The following GAS2L3 variants were observed in gnomAD, a reference collection of about 807,000 sequenced individuals.
GAS2L3 encodes growth arrest specific 2 like 3, also known as GAS2-like protein 3.
A neutral mutation model predicts 37.0 loss-of-function variants in GAS2L3; 28 were observed. The observed-to-expected ratio is 0.76, with a 90% confidence interval of 0.56 to 1.04. The LOEUF (loss-of-function observed/expected upper bound fraction) is 1.04, where lower values mean the gene tolerates loss of function less well. Among genes scored for constraint, GAS2L3 ranks in the 50% least tolerant of loss-of-function variants. GAS2L3 has a pLI of 0.00. For synonymous variants in GAS2L3, 290 were observed against 296.6 expected (o/e 0.98, Z 0.23); for missense variants, 793 against 817.6 (o/e 0.97, Z 0.37).
At chr12:100,583,043 C>T (rs1394835596) in intron 1 of GAS2L3, among the ~76,000 whole-genome samples, 1 of 152,128 alleles carries the variant, frequency 6.6e-6, no homozygotes, top group Non-Finnish European at 1.5e-5. Context: ...TTTTTCTTTA[C>T]CCCCAAGAGA....
At chr12:100,579,044 T>A in intron 1 of GAS2L3, 1 of 760,754 alleles carries the variant, frequency 1.3e-6, no homozygotes, top group Non-Finnish European at 2.4e-6. Flanking sequence ...GTATAACCAG[T>A]CTATGGCCAT....
intron 2 of GAS2L3, among the ~76,000 whole-genome samples, chr12:100,592,625 C>G (rs1273531134): frequency 6.6e-6 from 1 of 152,052 alleles, no homozygotes; most frequent in African/African-American, 2.4e-5. Flanking sequence ...AAATTCTGGT[C>G]AAATTTCAGG....
chr12:100,579,125 C>A, intron 1 of GAS2L3: 1 of 707,308 alleles, frequency 1.4e-6, no homozygotes. Context: ...AATCCATTCA[C>A]ATAGTTCATT....
chr12:100,606,904 T>G (rs1271149041), intron 5 of GAS2L3, among the ~76,000 whole-genome samples: 3 of 152,168 alleles, frequency 2.0e-5, no homozygotes, highest in African/African-American at 7.2e-5. Context: ...ATATAATATT[T>G]TACATACCAT....
At chr12:100,593,769 G>A (rs1355673750) in intron 2 of GAS2L3, 1 of 152,064 alleles carries the variant, frequency 6.6e-6, no homozygotes, top group Non-Finnish European at 1.5e-5. Context: ...ATTAGCTCGT[G>A]GGAAGCATAA....
At chr12:100,591,245 T>A (rs893734142) in intron 1 of GAS2L3, among the ~76,000 whole-genome samples, 3 of 152,026 alleles carry the variant, frequency 2.0e-5, no homozygotes, top group African/African-American at 7.2e-5. Flanking sequence ...AGGAGGTGAA[T>A]AAATAAATAA....
rs201675962 is a variant in GAS2L3, at chr12:100,574,980, A to AT, written c.-152+1208dup. Among the ~76,000 whole-genome samples, 898 of 146,602 alleles carry AT rather than the reference A, an allele frequency of 6.1e-3. 3 individuals carry two copies. The highest frequency in any genetic ancestry group is 0.012 in the East Asian group (60 of 5,044). On this transcript the variant is annotated intron_variant, in intron 1 of 9. Transcript: ENST00000547754. The stretch of plus-strand genomic sequence containing the variant: ...ATCTGACATTGAATTAGAAGTAGTA[A>AT]TTTTTTTTTTTTTAGCGTGACAGAG...
At chr12:100,618,941 A>C (rs1344995293) in intron 8 of GAS2L3, among the ~76,000 whole-genome samples, 1 of 152,080 alleles carries the variant, frequency 6.6e-6, no homozygotes, top group Non-Finnish European at 1.5e-5. Context: ...ATGGTCTTGT[A>C]GAGGTTATAT....
At chr12:100,577,709 G>C (rs1292643796) in intron 1 of GAS2L3, among the ~76,000 whole-genome samples, 1 of 152,162 alleles carries the variant, frequency 6.6e-6, no homozygotes, top group African/African-American at 2.4e-5. Context: ...TAAAAGTATA[G>C]AGTGCAGCAA....
In GAS2L3 at chr12:100,627,073, A is replaced by G. The variant is rs1330292292; in HGVS notation, c.*2183A>G. Among the ~76,000 whole-genome samples the G allele has an allele frequency of 6.8e-6, 1 of 147,632 alleles. No individual in the cohort carries two copies. Among genetic ancestry groups the G allele is most frequent in the Non-Finnish European group, 1.5e-5 (1 of 67,084 alleles). The stretch of plus-strand genomic sequence containing the variant: ...CACTGCACTCCAGCCTGGGCAACAG[A>G]GTGAGACTCTGTCTCAAAAAAAAAA... On this transcript the variant is annotated 3_prime_UTR_variant, in exon 10 of 10. Coordinates refer to ENST00000547754, the MANE Select transcript of GAS2L3 (RefSeq NM_174942.3).
chr12:100,581,592 G>A (rs1955713113), intron 1 of GAS2L3, among the ~76,000 whole-genome samples: 3 of 152,180 alleles, frequency 2.0e-5, no homozygotes. Context: ...ATATATTTGG[G>A]TTTTGTTTGC....
chr12:100,576,820 A>C (rs973805734), intron 1 of GAS2L3, among the ~76,000 whole-genome samples: 1 of 152,202 alleles, frequency 6.6e-6, no homozygotes. Context: ...AAAGAACTAG[A>C]ATGTAATAAA....
intron 1 of GAS2L3, chr12:100,580,109 A>G: frequency 9.8e-7 from 1 of 1,017,662 alleles, no homozygotes; most frequent in South Asian, 1.3e-5. Flanking sequence ...ACTGGAATAG[A>G]TGCCACTGGG....
intron 8 of GAS2L3, among the ~76,000 whole-genome samples, chr12:100,621,873 G>A (rs1202279630): frequency 7.6e-6 from 1 of 131,164 alleles, no homozygotes; most frequent in Non-Finnish European, 1.6e-5. Flanking sequence ...GGGAGGGAGG[G>A]TGGGGGGGGG....
chr12:100,598,893 T>TG (rs1269399181), intron 3 of GAS2L3, among the ~76,000 whole-genome samples: 1 of 152,206 alleles, frequency 6.6e-6, no homozygotes, highest in Non-Finnish European at 1.5e-5. Context: ...TTGGCTCCCA[T>TG]TTGATAAATC....
At chr12:100,605,413 T>G (rs1295628418) in intron 5 of GAS2L3, among the ~76,000 whole-genome samples, 1 of 151,972 alleles carries the variant, frequency 6.6e-6, no homozygotes, top group African/African-American at 2.4e-5. Flanking sequence ...ACTTAAGGTC[T>G]GTCAATTTTA....
chr12:100,616,260 C>T lies in GAS2L3; in HGVS notation c.446-1484C>T, dbSNP rs142084487. Among the ~76,000 whole-genome samples, 220 of 152,174 alleles carry T rather than the reference C, an allele frequency of 1.4e-3. 1 individual carries two copies. Among genetic ancestry groups the T allele is most frequent in the South Asian group, 1.0e-2 (48 of 4,820 alleles). On this transcript the variant is annotated intron_variant, in intron 6 of 9. Transcript: ENST00000547754. ...AAGCCATTGTAAGTGTAATTATTTT[C>T]GTTTCATTTTCAGACTGTTCATTTC...
chr12:100,580,858 T>C (rs1955702829), intron 1 of GAS2L3, among the ~76,000 whole-genome samples: 1 of 152,188 alleles, frequency 6.6e-6, no homozygotes, highest in Non-Finnish European at 1.5e-5. Context: ...TTCAAATGGC[T>C]TATTTCATCA....
At chr12:100,607,084 C>T (rs1956066384) in intron 5 of GAS2L3, among the ~76,000 whole-genome samples, 1 of 152,182 alleles carries the variant, frequency 6.6e-6, no homozygotes. Flanking sequence ...GACTGAAGAA[C>T]TCACTTTAGC....
Sources: gnomAD v4.1 joint callset for allele counts (sites outside exome capture counted in the v4.1 genomes callset) on GRCh38, gnomAD v4.1.1 for gene constraint, MANE v1.5 for transcripts, NCBI Gene and HGNC (gene_info 2026-07-23, HGNC 2026-07-21) for gene names.